NRXN1: variants seen among roughly 807,000 people sequenced by gnomAD.
NRXN1 encodes neurexin-1.
A neutral mutation model predicts 150.9 loss-of-function variants in NRXN1; 39 were observed. The ratio of observed to expected loss-of-function variants is 0.26; its 90% CI spans 0.20 to 0.34. NRXN1 has a LOEUF of 0.34. NRXN1 is among the 10% of genes least tolerant of loss of function. The pLI, the probability that NRXN1 is intolerant of heterozygous loss-of-function variation, is 1.00. For missense variants in NRXN1, 1,815 were observed against 1,949.9 expected (o/e 0.93, Z 1.30); for synonymous variants, 924 against 757.0 (o/e 1.22, Z -3.62).
At chr2:50,896,092 A>C (rs1475110210) in intron 5 of NRXN1, among the ~76,000 whole-genome samples, 1 of 152,210 alleles carries the variant, frequency 6.6e-6, no homozygotes, top group Non-Finnish European at 1.5e-5. Context: ...CACAGGCACA[A>C]GATAGTAGAG....
At chr2:50,762,931 T>G (rs555537097) in intron 5 of NRXN1, among the ~76,000 whole-genome samples, 1 of 152,108 alleles carries the variant, frequency 6.6e-6, no homozygotes, top group East Asian at 1.9e-4. Flanking sequence ...TGCAAGCTTC[T>G]TGCTTTAGAG....
At chr2:50,629,320 GATAA>G (rs1046092037) in intron 5 of NRXN1, among the ~76,000 whole-genome samples, 1 of 151,478 alleles carries the variant, frequency 6.6e-6, no homozygotes, top group Non-Finnish European at 1.5e-5. Context: ...CAGAAATACA[GATAA>G]ATCTCACAAT....
intron 18 of NRXN1, among the ~76,000 whole-genome samples, chr2:50,193,289 TA>T (rs1490304777): frequency 1.3e-5 from 2 of 152,346 alleles, no homozygotes; most frequent in East Asian, 3.9e-4. Flanking sequence ...TTCAATATCA[TA>T]GTTTCTCTAA....
At chr2:49,994,802 A>G (rs529299717) in intron 21 of NRXN1, among the ~76,000 whole-genome samples, 1 of 152,212 alleles carries the variant, frequency 6.6e-6, no homozygotes, top group African/African-American at 2.4e-5. Context: ...GCTTTTTGTA[A>G]GGCAAAAGGT....
At chr2:50,286,437 C>A (rs554196973) in intron 17 of NRXN1, among the ~76,000 whole-genome samples, 1 of 152,230 alleles carries the variant, frequency 6.6e-6, no homozygotes, top group Non-Finnish European at 1.5e-5. Flanking sequence ...CCCAGTTTTT[C>A]CACATTGTTG....
chr2:49,987,035 CAG>C (rs1182114922), intron 21 of NRXN1, among the ~76,000 whole-genome samples: 1 of 151,374 alleles, frequency 6.6e-6, no homozygotes, highest in East Asian at 1.9e-4. Context: ...GCTTGGCTGA[CAG>C]AGTGAGAAAA....
At chr2:49,948,609 G>A (rs1673374781) in intron 21 of NRXN1, among the ~76,000 whole-genome samples, 2 of 151,808 alleles carry the variant, frequency 1.3e-5, no homozygotes, top group East Asian at 1.9e-4. Context: ...CAAGTGTAGG[G>A]GAAGAAAATC....
intron 2 of NRXN1, among the ~76,000 whole-genome samples, chr2:50,983,926 G>C (rs2104913077): frequency 6.6e-6 from 1 of 151,842 alleles, no homozygotes; most frequent in African/African-American, 2.4e-5. Flanking sequence ...CTGGCAAAAA[G>C]CTAGAGCAAA....
chr2:50,585,474 T>C (rs925872767), intron 8 of NRXN1, among the ~76,000 whole-genome samples: 1 of 152,218 alleles, frequency 6.6e-6, no homozygotes, highest in African/African-American at 2.4e-5. Flanking sequence ...TACTTAACGC[T>C]AATGAATTAT....
In NRXN1 at chr2:50,489,056, C is replaced by T. The variant is rs181364767; in HGVS notation, c.3070+6849G>A. Among the ~76,000 whole-genome samples, 4 of 152,326 alleles carry T rather than the reference C, an allele frequency of 2.6e-5. No individual in the cohort carries two copies. The South Asian group carries it at 6.2e-4, about 24-fold the overall frequency. ...GAGCTCAAGCCATCTAATCACCATC[C>T]TGCTGGGACGTGGTAAACTGTCAGC... On this transcript the variant is annotated intron_variant, in intron 15 of 22. Transcript: ENST00000401669.
chr2:50,788,207 C>A (rs1420659266), intron 5 of NRXN1, among the ~76,000 whole-genome samples: 1 of 151,824 alleles, frequency 6.6e-6, no homozygotes, highest in African/African-American at 2.4e-5. Context: ...CTGCTTCTGC[C>A]TCCTGAGCAG....
chr2:50,907,783 C>A (rs1683934608), intron 5 of NRXN1, among the ~76,000 whole-genome samples: 1 of 152,112 alleles, frequency 6.6e-6, no homozygotes, highest in African/African-American at 2.4e-5. Context: ...GTGCTTCTAA[C>A]AGAAATGCAC....
intron 18 of NRXN1, among the ~76,000 whole-genome samples, chr2:50,180,944 T>G (rs2060671073): frequency 6.6e-6 from 1 of 152,160 alleles, no homozygotes; most frequent in Admixed American, 6.6e-5. Context: ...CAAAACAGCA[T>G]TATTTTTAAC....
At chr2:50,496,580 C>A (rs552979032) in intron 14 of NRXN1, among the ~76,000 whole-genome samples, 18 of 152,276 alleles carry the variant, frequency 1.2e-4, no homozygotes, top group Non-Finnish European at 2.2e-4. Context: ...GTCTCCTGAG[C>A]CTTTGAATGT....
At chr2:50,839,528 C>T (rs1672573922) in intron 5 of NRXN1, among the ~76,000 whole-genome samples, 1 of 152,042 alleles carries the variant, frequency 6.6e-6, no homozygotes, top group South Asian at 2.1e-4. Flanking sequence ...ATTTATTTAA[C>T]TAATTTTTGA....
intron 18 of NRXN1, among the ~76,000 whole-genome samples, chr2:50,093,463 A>G (rs893860625): frequency 1.8e-5 from 1 of 55,698 alleles, no homozygotes; most frequent in Non-Finnish European, 3.5e-5. Flanking sequence ...CTATTAAAAA[A>G]AAAGAAAAAG....
chr2:50,559,697 A>G (rs1277850507), intron 8 of NRXN1, among the ~76,000 whole-genome samples: 7 of 152,296 alleles, frequency 4.6e-5, no homozygotes, highest in Admixed American at 2.6e-4. Context: ...ATCCATATAA[A>G]TATGCACTTA....
At chr2:50,490,049 T>C (rs1222096128) in intron 15 of NRXN1, among the ~76,000 whole-genome samples, 1 of 152,184 alleles carries the variant, frequency 6.6e-6, no homozygotes. Flanking sequence ...CAGTTTCACA[T>C]CTCTGTCTGT....
At chr2:50,241,524 C>A (rs1330967851) in intron 17 of NRXN1, among the ~76,000 whole-genome samples, 1 of 151,784 alleles carries the variant, frequency 6.6e-6, no homozygotes, top group Non-Finnish European at 1.5e-5. Context: ...GTATGAATGA[C>A]TGAAATTTAA....
Sources: allele counts gnomAD v4.1 joint callset (sites outside exome capture counted in the v4.1 genomes callset), GRCh38; gene constraint gnomAD v4.1.1; transcripts MANE v1.5; gene names NCBI Gene and HGNC (gene_info 2026-07-23, HGNC 2026-07-21).